Variants in PCDHGA8 observed in about 807,000 individuals in gnomAD.
PCDHGA8 encodes the protein protocadherin gamma subfamily A, 8.
Under a neutral mutation model 59.2 loss-of-function variants are expected in PCDHGA8, and 45 were observed. The observed-to-expected ratio is 0.76, with a 90% CI of 0.60 to 0.98. PCDHGA8 has a LOEUF of 0.98. PCDHGA8 is among the 50% of genes least tolerant of loss of function. PCDHGA8 has a pLI of 0.00. For missense variants in PCDHGA8, 1,257 were observed against 1,196.2 expected, an observed-to-expected ratio of 1.05 and a Z score of -0.75; for synonymous variants, 531 against 519.0, an observed-to-expected ratio of 1.02 and a Z score of -0.32.
In PCDHGA8 at chr5:141,431,627, C is replaced by T. The variant is rs769351473; in HGVS notation, c.2424+36390C>T. 2.5e-6 allele frequency: 4 copies of T among 1,614,076 alleles called. No homozygotes were observed. The South Asian group carries it at 4.4e-5, about 18-fold the overall frequency. On this transcript the variant is annotated intron_variant, in intron 1 of 3. Coordinates refer to ENST00000398604, the MANE Select transcript of PCDHGA8 (RefSeq NM_032088.2). The surrounding 1 kb of genome is among the most constrained non-coding windows in gnomAD (Gnocchi z 4.8). Reference sequence around the variant, plus strand: ...CCGGTATGTGGACGACAAGGCGGCCCAAGTTTTCAAACTAGATTGTAATTC... The same window carrying T: ...CCGGTATGTGGACGACAAGGCGGCCTAAGTTTTCAAACTAGATTGTAATTC...
At chr5:141,471,073 G>A (rs2099249169) in intron 1 of PCDHGA8, among the ~76,000 whole-genome samples, 2 of 143,298 alleles carry the variant, frequency 1.4e-5, no homozygotes, top group Non-Finnish European at 3.0e-5. Flanking sequence ...TTTTGAGACA[G>A]GGTCTCCCTC....
At chr5:141,398,844 C>A in intron 1 of PCDHGA8, 1 of 1,613,966 alleles carries the variant, frequency 6.2e-7, no homozygotes, top group Non-Finnish European at 8.5e-7. Context: ...ATGATAATCC[C>A]CCGGTATTCA....
intron 1 of PCDHGA8, among the ~76,000 whole-genome samples, chr5:141,492,539 G>A (rs1474928199): frequency 1.3e-5 from 2 of 152,200 alleles, no homozygotes; most frequent in African/African-American, 2.4e-5. Context: ...GCCCCGGGCT[G>A]GGCCGGGTCG....
intron 1 of PCDHGA8, among the ~76,000 whole-genome samples, chr5:141,452,316 T>C (rs2098738639): frequency 6.6e-6 from 1 of 152,208 alleles, no homozygotes; most frequent in Non-Finnish European, 1.5e-5. Flanking sequence ...ACTCATACTT[T>C]CCTTGTTCCA....
intron 1 of PCDHGA8, among the ~76,000 whole-genome samples, chr5:141,446,153 AT>A (rs1158236808): frequency 1.3e-5 from 2 of 152,362 alleles, no homozygotes; most frequent in East Asian, 3.9e-4. Flanking sequence ...TAGGTGGAAT[AT>A]AAATTTCATG....
intron 1 of PCDHGA8, chr5:141,408,732 AT>A (rs1172232848): frequency 6.2e-7 from 1 of 1,610,014 alleles, no homozygotes; most frequent in Non-Finnish European, 8.5e-7. Context: ...TCTAATCCTT[AT>A]TTTTCATTAA....
chr5:141,415,515 G>A (rs752258863), intron 1 of PCDHGA8: 5 of 1,614,152 alleles, frequency 3.1e-6, no homozygotes, highest in South Asian at 1.1e-5. Flanking sequence ...CCAATTATGC[G>A]GACACGCTCA....
intron 1 of PCDHGA8, among the ~76,000 whole-genome samples, chr5:141,460,640 TGTTTACACATA>T (rs2098994223): frequency 6.6e-6 from 1 of 152,096 alleles, no homozygotes; most frequent in Admixed American, 6.6e-5. Flanking sequence ...TATATAACTG[TGTTTACACATA>T]TGTAACTGTA....
In PCDHGA8 at chr5:141,476,504, G is replaced by A; in HGVS notation, c.2425-18303G>A. On this transcript the variant is annotated intron_variant, in intron 1 of 3. Coordinates refer to ENST00000398604, the MANE Select transcript of PCDHGA8 (RefSeq NM_032088.2). This position sits in a 1 kb window ranked among gnomAD's most constrained non-coding sequence, Gnocchi z 7.6. ...GGAAGTGGTGATCCAGGACATCAAC[G>A]ACAACAATCCTGCTTTCCCTACCCA... The A allele has an allele frequency of 6.2e-7, 1 of 1,614,098 alleles. No individual in the cohort carries two copies. The highest frequency in any genetic ancestry group is 2.2e-5 in the East Asian group (1 of 44,854).
At chr5:141,407,240 C>T (rs1011878099) in intron 1 of PCDHGA8, among the ~76,000 whole-genome samples, 3 of 152,158 alleles carry the variant, frequency 2.0e-5, no homozygotes, top group African/African-American at 7.2e-5. Context: ...ATAAAGCATA[C>T]TTCAGGCTCA....
chr5:141,431,678 T>G lies in PCDHGA8; in HGVS notation c.2424+36441T>G. The G allele has an allele frequency of 6.2e-7, 1 of 1,614,084 alleles. No homozygotes were observed. Among genetic ancestry groups the G allele is most frequent in the Non-Finnish European group, 8.5e-7 (1 of 1,180,022 alleles). On this transcript the variant is annotated intron_variant, in intron 1 of 3. Transcript: ENST00000398604. This position sits in a 1 kb window ranked among gnomAD's most constrained non-coding sequence, Gnocchi z 4.8. ...AGGGACAATATCAACAATAGGGGAGTTGGACCACGAGGAGTCAGGATTCTA... is the reference window on the plus strand; with the variant it reads ...AGGGACAATATCAACAATAGGGGAGGTGGACCACGAGGAGTCAGGATTCTA...
At chr5:141,464,228 G>A (rs1196103285) in intron 1 of PCDHGA8, among the ~76,000 whole-genome samples, 1 of 148,156 alleles carries the variant, frequency 6.7e-6, no homozygotes, top group African/African-American at 2.5e-5. Context: ...TTGCGCCACT[G>A]CACTCCAGCC....
At chr5:141,436,208 A>G (rs1287696925) in intron 1 of PCDHGA8, among the ~76,000 whole-genome samples, 1 of 152,152 alleles carries the variant, frequency 6.6e-6, no homozygotes, top group Non-Finnish European at 1.5e-5. Context: ...CATAATAGGA[A>G]AACAAATGAC....
chr5:141,416,504 C>CA (rs1467352050), intron 1 of PCDHGA8: 4 of 152,040 alleles, frequency 2.6e-5, no homozygotes, highest in African/African-American at 9.7e-5. Context: ...AGATATATGA[C>CA]AAAGCTATTT....
Position 141,423,412 on chromosome 5 carries a change from T to C in PCDHGA8, c.2424+28175T>C, listed in dbSNP as rs754410783. 4 of 1,614,166 alleles carry C rather than the reference T, an allele frequency of 2.5e-6. No individual in the cohort carries two copies. The Admixed American group carries it at 6.7e-5, about 27-fold the overall frequency. The stretch of plus-strand genomic sequence containing the variant: ...GCATAAGTCACGCCTGCTGCAGGCT[T>C]CTGAAGGCGGGTTGGCAGGTATGCC... On this transcript the variant is annotated intron_variant, in intron 1 of 3. Coordinates refer to ENST00000398604, the MANE Select transcript of PCDHGA8 (RefSeq NM_032088.2).
intron 1 of PCDHGA8, among the ~76,000 whole-genome samples, chr5:141,483,014 G>A (rs1401419953): frequency 1.3e-5 from 2 of 152,184 alleles, no homozygotes; most frequent in Non-Finnish European, 2.9e-5. Context: ...GAACCCGGGA[G>A]GCAGAGGTTG....
Position 141,421,318 on chromosome 5 carries a change from C to T in PCDHGA8, c.2424+26081C>T, listed in dbSNP as rs370020854. 5.6e-6 allele frequency: 9 copies of T among 1,613,824 alleles called. No homozygotes were observed. In the East Asian group the frequency reaches 2.0e-4, roughly 36 times the overall value. On this transcript the variant is annotated intron_variant, in intron 1 of 3. Coordinates refer to ENST00000398604, the MANE Select transcript of PCDHGA8 (RefSeq NM_032088.2). ...GACGCTGCGGGGGTTCCGGGCCAGG[C>T]AGATCCGATATTCGGTGCCAGAAGA...
rs372676262 is a variant in PCDHGA8 at position 141,404,832 on chromosome 5, G to A, written c.2424+9595G>A. On this transcript the variant is annotated intron_variant, in intron 1 of 3. Coordinates refer to ENST00000398604, the MANE Select transcript of PCDHGA8 (RefSeq NM_032088.2). ...GTGGGGCTGCACACAGGTGAAGTGCGCACAGCTCGGGCCCTGCTAGATAGA... is the reference window on the plus strand; with the variant it reads ...GTGGGGCTGCACACAGGTGAAGTGCACACAGCTCGGGCCCTGCTAGATAGA... 34 of 1,613,864 alleles carry A rather than the reference G, an allele frequency of 2.1e-5. No individual in the cohort carries two copies. Among genetic ancestry groups the A allele is most frequent in the Middle Eastern group, 1.6e-4 (1 of 6,062 alleles).
chr5:141,494,843 G>T lies in PCDHGA8; in HGVS notation c.2461G>T (p.Ala821Ser). The T allele has an allele frequency of 6.2e-7, 1 of 1,614,088 alleles. No individual in the cohort carries two copies. The highest frequency in any genetic ancestry group is 8.5e-7 in the Non-Finnish European group (1 of 1,180,006). ...PPNTDWRFSQ[A>S]QRPGTSGSQN... Reference sequence around the variant, plus strand: ...CAACACGGACTGGCGTTTCTCTCAGGCCCAGAGACCCGGCACCAGCGGGTA... The same window carrying T: ...CAACACGGACTGGCGTTTCTCTCAGTCCCAGAGACCCGGCACCAGCGGGTA... Residue 821 changes from alanine (A) to serine (S), a missense_variant, in exon 2 of 4, where the codon GCC becomes TCC. Transcript: ENST00000398604.
Sources: gnomAD v4.1 joint callset for allele counts (sites outside exome capture counted in the v4.1 genomes callset) on GRCh38, gnomAD v4.1.1 for gene constraint, Gnocchi (gnomAD v3.1) non-coding constraint, MANE v1.5 for transcripts, NCBI Gene and HGNC (gene_info 2026-07-23, HGNC 2026-07-21) for gene names.